Variants in SUN5 observed in about 807,000 individuals in gnomAD.
The protein encoded by SUN5 is Sad1 and UNC84 domain containing 5, also known as SUN domain-containing protein 5.
A neutral mutation model predicts 53.7 loss-of-function variants in SUN5; 44 were observed. The observed-to-expected ratio is 0.82, with a 90% CI of 0.64 to 1.05. The LOEUF is 1.05. SUN5 is among the 50% of genes least tolerant of loss of function. The probability of loss-of-function intolerance (pLI) is 0.00; values close to 1 mark genes in which losing one functional copy is unlikely to be tolerated. For missense variants in SUN5, 433 were observed against 483.8 expected (o/e 0.90, Z 0.98); for synonymous variants, 166 against 179.8 (o/e 0.92, Z 0.62).
In SUN5 at chr20:32,989,655, T is replaced by A; in HGVS notation, c.578A>T (p.Tyr193Phe). 1 of 1,614,082 alleles carries A rather than the reference T, an allele frequency of 6.2e-7. No homozygotes were observed. The highest frequency in any genetic ancestry group is 8.5e-7 in the Non-Finnish European group (1 of 1,180,022). The change falls in exon 9 of 13, where the codon TAC becomes TTC. Residue 193 changes from tyrosine to phenylalanine, a missense_variant. Coordinates refer to ENST00000356173, the MANE Select transcript of SUN5 (RefSeq NM_080675.4). ...CAGGGCAAAGTCTGGCTTTTCGATG[T>A]AATCTCCGTGTATCATCTTCATTAT... Reference protein sequence around the residue: ...QKIMKMIHGDYIEKPDFALKS... With the variant: ...QKIMKMIHGDFIEKPDFALKS...
At chr20:32,987,498 C>A (rs1011539786) in intron 10 of SUN5, among the ~76,000 whole-genome samples, 162 bp downstream of exon 10, 2 of 149,168 alleles carry the variant, frequency 1.3e-5, no homozygotes, top group Admixed American at 6.7e-5. Flanking sequence ...TCCTTCTGCT[C>A]CCTGCCTTTG....
intron 8 of SUN5, among the ~76,000 whole-genome samples, chr20:32,992,418 G>C (rs1264496498): frequency 6.6e-6 from 1 of 152,190 alleles, no homozygotes; most frequent in Non-Finnish European, 1.5e-5. Flanking sequence ...ACAGTTAAGA[G>C]GAATCTGCAT....
rs1322694372 is a variant in SUN5, at chr20:32,985,918, T to C, written c.730-15A>G. ...GTCACGTTGGGCTAGAAGAGGCAAG[T>C]ACAATAAGGGATATGCTGGGTGGGT... is the stretch of plus-strand genomic sequence containing the variant. On this transcript the variant is annotated splice_polypyrimidine_tract_variant and intron_variant, in intron 10 of 12. Transcript: ENST00000356173. 2 of 1,612,256 alleles carry C rather than the reference T, an allele frequency of 1.2e-6. No individual in the cohort carries two copies. The highest frequency in any genetic ancestry group is 2.2e-5 in the South Asian group (2 of 90,758).
chr20:32,985,335 A>G (rs1989507248), intron 11 of SUN5, 150 bp from the exon 12 acceptor site: 1 of 677,462 alleles, frequency 1.5e-6, no homozygotes, highest in Non-Finnish European at 2.5e-6. Context: ...TGTAATGAAT[A>G]GGAAAGAGCA....
chr20:33,001,523 T>TTTCTTTCTTTC (rs1390892407), intron 3 of SUN5, among the ~76,000 whole-genome samples: 1 of 120,948 alleles, frequency 8.3e-6, no homozygotes, highest in East Asian at 2.4e-4. Flanking sequence ...TTCTTTCTTC[T>TTTCTTTCTTTC]TTCTTTCTTT....
chr20:32,993,848 A>G (rs1381185444), intron 8 of SUN5, among the ~76,000 whole-genome samples: 1 of 152,236 alleles, frequency 6.6e-6, no homozygotes, highest in Non-Finnish European at 1.5e-5. Flanking sequence ...GATACTGATG[A>G]TGCAGGCACG....
chr20:32,998,071 G>A (rs541156676), intron 5 of SUN5, among the ~76,000 whole-genome samples: 2 of 147,882 alleles, frequency 1.4e-5, no homozygotes, highest in African/African-American at 5.0e-5. Flanking sequence ...AGGTGTGGTG[G>A]CTCACGCCCA....
chr20:32,989,766 C>T (rs6088057), intron 8 of SUN5, 68 bp from the exon 9 acceptor site: 508,816 of 1,373,810 alleles, frequency 0.37, 100,207 homozygotes, highest in East Asian at 0.78. Context: ...CACGTGTCCA[C>T]GGGAGGTAAC....
In SUN5 at chr20:33,002,934, A is replaced by T; in HGVS notation, c.78-15T>A. On this transcript the variant is annotated splice_polypyrimidine_tract_variant and intron_variant, in intron 1 of 12. Coordinates refer to ENST00000356173, the MANE Select transcript of SUN5 (RefSeq NM_080675.4). Reference sequence around the variant, plus strand: ...GCTGGGCAATCCTGGGGATGATAAGATTCATAGTCGCATTTTACAATTATG... The same window carrying T: ...GCTGGGCAATCCTGGGGATGATAAGTTTCATAGTCGCATTTTACAATTATG... 6.2e-7 allele frequency: 1 copy of T among 1,613,908 alleles called. No homozygotes were observed. Among genetic ancestry groups the T allele is most frequent in the Non-Finnish European group, 8.5e-7 (1 of 1,179,898 alleles).
chr20:32,992,396 T>C (rs1050465562), intron 8 of SUN5, among the ~76,000 whole-genome samples: 2 of 152,126 alleles, frequency 1.3e-5, no homozygotes, highest in Non-Finnish European at 2.9e-5. Flanking sequence ...GGGTAGAGAA[T>C]TGGGTGTTAA....
intron 8 of SUN5, among the ~76,000 whole-genome samples, chr20:32,992,269 G>C (rs1488932422): frequency 6.6e-6 from 1 of 152,082 alleles, no homozygotes; most frequent in Admixed American, 6.5e-5. Flanking sequence ...TGTTCCCCAG[G>C]GGGCAAAATA....
In SUN5 at chr20:32,985,723, G is replaced by A. The variant is rs536248789; in HGVS notation, c.897+13C>T. The A allele has an allele frequency of 5.6e-6, 9 of 1,613,360 alleles. No homozygotes were observed. The highest frequency in any genetic ancestry group is 4.0e-5 in the African/African-American group (3 of 75,032). On this transcript the variant is annotated intron_variant, in intron 11 of 12. Transcript: ENST00000356173. ...CTTTAGCTAAGCATAGCTCCCTGCA[G>A]GGGAGTGCTCACATAGATGACGAAG...
intron 1 of SUN5, 38 bp from the exon 2 acceptor site, chr20:33,002,957 A>T: frequency 6.2e-7 from 1 of 1,611,304 alleles, no homozygotes; most frequent in Non-Finnish European, 8.5e-7. Context: ...TTTTACAATT[A>T]TGAGGAACAT....
chr20:32,987,421 C>A (rs144628893), intron 10 of SUN5, among the ~76,000 whole-genome samples: 95 of 152,184 alleles, frequency 6.2e-4, no homozygotes, highest in Middle Eastern at 3.4e-3. Flanking sequence ...GCCCCAGCAG[C>A]CCCTGCTGTC....
intron 8 of SUN5, among the ~76,000 whole-genome samples, chr20:32,990,099 T>C (rs887708035): frequency 6.6e-6 from 1 of 152,186 alleles, no homozygotes; most frequent in Non-Finnish European, 1.5e-5. Flanking sequence ...AAGCCCCTAC[T>C]ATGTGCCAGG....
At chr20:33,001,311 A>G (rs1479199071) in intron 3 of SUN5, 33 bp from the exon 4 acceptor site, 1 of 1,558,122 alleles carries the variant, frequency 6.4e-7, no homozygotes, top group Non-Finnish European at 8.7e-7. Context: ...GTGACTCACT[A>G]CGCCCTCATC....
At chr20:33,003,116 G>T (rs139039302) in intron 1 of SUN5, among the ~76,000 whole-genome samples, 197 bp from the exon 2 acceptor site, 3,513 of 152,300 alleles carry the variant, frequency 0.023, 62 homozygotes, top group Middle Eastern at 0.078. Context: ...GACCCAGGTT[G>T]CTGTGGCAGT....
At chr20:32,996,299 T>C in intron 7 of SUN5, 25 bp downstream of exon 7, 2 of 1,611,830 alleles carry the variant, frequency 1.2e-6, no homozygotes, top group Non-Finnish European at 1.7e-6. Flanking sequence ...GGTAATAATA[T>C]GGTTACCCAG....
intron 9 of SUN5, among the ~76,000 whole-genome samples, chr20:32,988,119 T>C (rs1310066015): frequency 3.9e-5 from 6 of 152,110 alleles, no homozygotes; most frequent in Non-Finnish European, 8.8e-5. Flanking sequence ...CCCCACGTCA[T>C]AGGGCTGCTG....
Sources: allele counts gnomAD v4.1 joint callset (sites outside exome capture counted in the v4.1 genomes callset), GRCh38; gene constraint gnomAD v4.1.1; transcripts MANE v1.5; gene names NCBI Gene and HGNC (gene_info 2026-07-23, HGNC 2026-07-21).